Variants in GOLM2 observed in about 807,000 individuals in gnomAD.
The protein encoded by GOLM2 is protein GOLM2.
In GOLM2, 26 loss-of-function variants were observed where a neutral mutation model predicts 55.9. The observed-to-expected ratio is 0.47, with a 90% CI of 0.34 to 0.65. The LOEUF (loss-of-function observed/expected upper bound fraction) is 0.65, where lower values mean the gene tolerates loss of function less well. Ranked by LOEUF, GOLM2 falls within the 30% of genes least tolerant of loss-of-function variation. GOLM2 has a pLI of 0.01. For synonymous variants in GOLM2, 165 were observed against 194.6 expected, an observed-to-expected ratio of 0.85 and a Z score of 1.27; for missense variants, 486 against 531.8, an observed-to-expected ratio of 0.91 and a Z score of 0.85.
At chr15:44,405,684 G>A (rs1416046250) in intron 9 of GOLM2, among the ~76,000 whole-genome samples, 2 of 151,958 alleles carry the variant, frequency 1.3e-5, no homozygotes, top group East Asian at 1.9e-4. Flanking sequence ...GCAGTGGTGC[G>A]ATCTCAGCTC....
At chr15:44,305,976 G>A (rs12593325) in intron 1 of GOLM2, among the ~76,000 whole-genome samples, 4,477 of 152,218 alleles carry the variant, frequency 0.029, 105 homozygotes, top group East Asian at 0.1. Context: ...TTTATAGAGC[G>A]CAGATAAAAC....
At chr15:44,364,101 A>G (rs1349652884) in intron 6 of GOLM2, among the ~76,000 whole-genome samples, 2 of 152,110 alleles carry the variant, frequency 1.3e-5, no homozygotes, top group Non-Finnish European at 2.9e-5. Context: ...CTAGTTGACG[A>G]GTTAGTGGGT....
In GOLM2 at chr15:44,359,266, T is replaced by C. The variant is rs140253632; in HGVS notation, c.803-20424T>C. On this transcript the variant is annotated intron_variant, in intron 6 of 9. Transcript: ENST00000299957. ...AAAGACATATCTGATAAAAGATCTA[T>C]GCAAAATATACAAAGAACTCTTAAA... Among the ~76,000 whole-genome samples, 567 of 152,064 alleles carry C rather than the reference T, an allele frequency of 3.7e-3. 3 individuals carry two copies. The highest frequency in any genetic ancestry group is 0.013 in the African/African-American group (535 of 41,494).
chr15:44,369,254 A>G (rs573937445), intron 6 of GOLM2, among the ~76,000 whole-genome samples: 101 of 146,178 alleles, frequency 6.9e-4, no homozygotes, highest in Non-Finnish European at 1.3e-3. Context: ...GTGTATATAT[A>G]TGTATATATG....
At chr15:44,387,301 T>C (rs1175982940) in intron 8 of GOLM2, 1 of 152,254 alleles carries the variant, frequency 6.6e-6, no homozygotes, top group Non-Finnish European at 1.5e-5. Context: ...TTTCCATTTA[T>C]TTAGGTCATC....
At chr15:44,306,304 CT>C (rs1194649572) in intron 1 of GOLM2, among the ~76,000 whole-genome samples, 68 of 146,926 alleles carry the variant, frequency 4.6e-4, no homozygotes, top group African/African-American at 3.5e-4. Context: ...ATGGAGATTG[CT>C]TTTTTTTTTT....
intron 6 of GOLM2, among the ~76,000 whole-genome samples, chr15:44,341,941 C>G (rs1211151856): frequency 1.3e-5 from 2 of 152,028 alleles, no homozygotes; most frequent in Non-Finnish European, 2.9e-5. Context: ...CGTGATCCAC[C>G]TGCCTCAGCC....
Position 44,379,736 on chromosome 15 carries a change from A to G in GOLM2, c.849A>G (p.Gln283=). 1.9e-6 allele frequency: 3 copies of G among 1,612,704 alleles called. No homozygotes were observed. Among genetic ancestry groups the G allele is most frequent in the South Asian group, 1.1e-5 (1 of 91,000 alleles). ...PISVSQHESH[Q]AISHLPTGQP... ...CAGTTTCTCAACATGAAAGTCATCA[A>G]GCAATCTCCCATCTTCCAACTGGAC... The change falls in exon 7 of 10, where the codon CAA becomes CAG. Residue 283 remains glutamine, a synonymous_variant. Transcript: ENST00000299957.
chr15:44,322,822 T>G, intron 1 of GOLM2, 143 bp from the exon 2 acceptor site: 1 of 490,902 alleles, frequency 2.0e-6, no homozygotes, highest in Non-Finnish European at 3.7e-6. Flanking sequence ...TTATTGCTGA[T>G]TTTTTTTGGA....
chr15:44,375,183 G>C (rs1043358894), intron 6 of GOLM2, among the ~76,000 whole-genome samples: 10 of 152,026 alleles, frequency 6.6e-5, no homozygotes, highest in African/African-American at 2.4e-4. Flanking sequence ...ATTATACCCG[G>C]CTAATTTTTG....
chr15:44,342,418 C>A (rs1001890254), intron 6 of GOLM2, among the ~76,000 whole-genome samples: 1 of 152,070 alleles, frequency 6.6e-6, no homozygotes, highest in Admixed American at 6.6e-5. Flanking sequence ...CATGTGCCAC[C>A]ACATCCAGCT....
intron 1 of GOLM2, among the ~76,000 whole-genome samples, chr15:44,318,708 CA>C (rs932864980): frequency 0.02 from 1,868 of 94,840 alleles, 23 homozygotes; most frequent in African/African-American, 0.054. Context: ...CACTCTGTCT[CA>C]AAAAAAAAAA....
chr15:44,361,143 A>C (rs1299416476), intron 6 of GOLM2, among the ~76,000 whole-genome samples: 1 of 150,900 alleles, frequency 6.6e-6, no homozygotes, highest in South Asian at 2.1e-4. Flanking sequence ...AATTAAAAGA[A>C]CTAGAAAAGC....
At chr15:44,315,074 A>T (rs540402947) in intron 1 of GOLM2, among the ~76,000 whole-genome samples, 1 of 152,350 alleles carries the variant, frequency 6.6e-6, no homozygotes, top group East Asian at 1.9e-4. Context: ...TAAGATTTTT[A>T]AAATTAAAAT....
chr15:44,393,094 G>A (rs1189159249), intron 8 of GOLM2, among the ~76,000 whole-genome samples: 1 of 152,082 alleles, frequency 6.6e-6, no homozygotes, highest in Non-Finnish European at 1.5e-5. Flanking sequence ...TAACTGATAA[G>A]CTGATATTAT....
chr15:44,335,905 C>G (rs942190998), intron 4 of GOLM2, among the ~76,000 whole-genome samples: 1 of 150,964 alleles, frequency 6.6e-6, no homozygotes, highest in African/African-American at 2.4e-5. Flanking sequence ...ACCTCTGCCT[C>G]CCGGGTTCAA....
intron 1 of GOLM2, among the ~76,000 whole-genome samples, chr15:44,296,180 A>G (rs2078755361): frequency 6.6e-6 from 1 of 152,226 alleles, no homozygotes; most frequent in African/African-American, 2.4e-5. Flanking sequence ...AAGCCTTCTG[A>G]GTAGCTGAAA....
intron 1 of GOLM2, among the ~76,000 whole-genome samples, chr15:44,290,246 T>C (rs2078711007): frequency 6.6e-6 from 1 of 152,264 alleles, no homozygotes; most frequent in African/African-American, 2.4e-5. Flanking sequence ...TAATAGTTTA[T>C]GACTTAGCAA....
intron 2 of GOLM2, 90 bp from the exon 3 acceptor site, chr15:44,328,595 G>A (rs928190580): frequency 1.4e-6 from 1 of 715,810 alleles, no homozygotes; most frequent in East Asian, 2.8e-5. Context: ...TGAGAATTAT[G>A]TATAATTAAA....
Sources: gnomAD v4.1 joint callset for allele counts (sites outside exome capture counted in the v4.1 genomes callset) on GRCh38, gnomAD v4.1.1 for gene constraint, MANE v1.5 for transcripts, NCBI Gene and HGNC (gene_info 2026-07-23, HGNC 2026-07-21) for gene names.